The following MEGF11 variants were observed in gnomAD, a reference collection of about 807,000 sequenced individuals.
The protein encoded by MEGF11 is multiple epidermal growth factor-like domains protein 11.
MEGF11 carries 126 observed loss-of-function variants against 146.6 expected under a neutral mutation model. The observed-to-expected ratio is 0.86, with a 90% CI of 0.74 to 1.00. The LOEUF (loss-of-function observed/expected upper bound fraction) is 1.00. Ranked by LOEUF, MEGF11 falls within the 50% of genes least tolerant of loss-of-function variation. The pLI, the probability that MEGF11 is intolerant of heterozygous loss-of-function variation, is 0.00. For synonymous variants in MEGF11, 532 were observed against 583.4 expected, an observed-to-expected ratio of 0.91 and a Z score of 1.27; for missense variants, 1,509 against 1,521.2, an observed-to-expected ratio of 0.99 and a Z score of 0.13.
chr15:66,130,812 AC>A (rs931652613), intron 1 of MEGF11, among the ~76,000 whole-genome samples: 1 of 151,856 alleles, frequency 6.6e-6, no homozygotes, highest in African/African-American at 2.4e-5. Flanking sequence ...AGAAGCCATC[AC>A]CACATGGGGG....
chr15:66,046,969 T>C (rs2084231629), intron 5 of MEGF11, among the ~76,000 whole-genome samples: 1 of 152,168 alleles, frequency 6.6e-6, no homozygotes, highest in African/African-American at 2.4e-5. Context: ...ACACTGCTCT[T>C]TCAGGAAGTG....
Position 65,963,465 on chromosome 15 carries a change from T to C in MEGF11, c.1112+1443A>G, listed in dbSNP as rs138399423. On this transcript the variant is annotated intron_variant, in intron 9 of 25. Coordinates refer to ENST00000395614, the MANE Select transcript of MEGF11 (RefSeq NM_001385028.1). ...CCTCTACATTTTCACATCTCTGATA[T>C]TGGGTAATTCATATCTCTGATATTG... Among the ~76,000 whole-genome samples the C allele has an allele frequency of 2.1e-3, 316 of 151,968 alleles. 1 individual carries two copies. Among genetic ancestry groups the C allele is most frequent in the African/African-American group, 7.2e-3 (298 of 41,226 alleles).
chr15:66,189,082 G>A (rs1597142743), intron 1 of MEGF11, among the ~76,000 whole-genome samples: 1 of 152,130 alleles, frequency 6.6e-6, no homozygotes, highest in African/African-American at 2.4e-5. Context: ...GAGGAGGGAT[G>A]GGGAGAGAAG....
chr15:66,038,500 C>CA (rs1232875310), intron 5 of MEGF11, among the ~76,000 whole-genome samples: 1 of 152,088 alleles, frequency 6.6e-6, no homozygotes, highest in African/African-American at 2.4e-5. Context: ...CCTTTCACAC[C>CA]AGGGATAATA....
In MEGF11 at chr15:65,938,332, CAGG is replaced by C. The variant is rs1217603489; in HGVS notation, c.1288-7392_1288-7390del. Among the ~76,000 whole-genome samples, 12 of 152,374 alleles carry C rather than the reference CAGG, an allele frequency of 7.9e-5. 1 individual carries two copies. The East Asian group carries it at 2.3e-3, about 29-fold the overall frequency. On this transcript the variant is annotated intron_variant, in intron 10 of 25. Coordinates refer to ENST00000395614, the MANE Select transcript of MEGF11 (RefSeq NM_001385028.1). ...GATCTCCTAGCTCCCATTTGGGTCA[CAGG>C]ATGCTAACAGCCTAAATGTGGGAAT...
At chr15:65,924,451 G>C (rs1193785193) in intron 13 of MEGF11, among the ~76,000 whole-genome samples, 2 of 151,884 alleles carry the variant, frequency 1.3e-5, no homozygotes, top group Non-Finnish European at 2.9e-5. Flanking sequence ...CCATTGACAG[G>C]GGTCTCTCCC....
intron 5 of MEGF11, among the ~76,000 whole-genome samples, chr15:66,015,863 C>T (rs2140138443): frequency 6.6e-6 from 1 of 151,086 alleles, no homozygotes; most frequent in East Asian, 2.0e-4. Flanking sequence ...CTCTGCTCAT[C>T]CACTGATGAT....
At chr15:66,033,390 G>A (rs28848849) in intron 5 of MEGF11, among the ~76,000 whole-genome samples, 2,706 of 152,330 alleles carry the variant, frequency 0.018, 67 homozygotes, top group African/African-American at 0.059. Flanking sequence ...GCCAACTAGG[G>A]TCTCTGCTCC....
At chr15:66,191,630 A>G (rs557537982) in intron 1 of MEGF11, among the ~76,000 whole-genome samples, 1 of 152,300 alleles carries the variant, frequency 6.6e-6, no homozygotes, top group East Asian at 1.9e-4. Context: ...AGGGGTGACC[A>G]GTTGAGAGTA....
At chr15:65,987,578 T>A (rs2081907424) in intron 5 of MEGF11, among the ~76,000 whole-genome samples, 1 of 152,228 alleles carries the variant, frequency 6.6e-6, no homozygotes, top group Admixed American at 6.5e-5. Context: ...ACATTCACAG[T>A]GTTGCACCAA....
At chr15:65,912,271 G>T in intron 20 of MEGF11, 71 bp from the exon 21 acceptor site, 1 of 937,340 alleles carries the variant, frequency 1.1e-6, no homozygotes, top group Non-Finnish European at 1.4e-6. Context: ...CAGTACTAAT[G>T]CTTGCGCTGG....
At chr15:65,993,624 C>G (rs2141781052) in intron 5 of MEGF11, among the ~76,000 whole-genome samples, 1 of 152,314 alleles carries the variant, frequency 6.6e-6, no homozygotes, top group East Asian at 1.9e-4. Context: ...TTTGGGGTCC[C>G]TGAGCAAGTC....
At chr15:65,963,328 G>C (rs935198043) in intron 9 of MEGF11, among the ~76,000 whole-genome samples, 2 of 152,074 alleles carry the variant, frequency 1.3e-5, no homozygotes, top group Non-Finnish European at 2.9e-5. Flanking sequence ...ACCTCTTCTA[G>C]GAAGCCTTCC....
intron 1 of MEGF11, among the ~76,000 whole-genome samples, chr15:66,232,371 G>C (rs1164669592): frequency 1.3e-5 from 2 of 152,202 alleles, no homozygotes; most frequent in Non-Finnish European, 2.9e-5. Context: ...ACCGGCCCCA[G>C]TCAAGGCAGA....
At chr15:66,018,308 AG>A (rs1161710314) in intron 5 of MEGF11, among the ~76,000 whole-genome samples, 1 of 152,118 alleles carries the variant, frequency 6.6e-6, no homozygotes, top group African/African-American at 2.4e-5. Context: ...CCCATTTGGG[AG>A]AGTCCTTCCG....
chr15:65,984,615 T>G (rs1184338734), intron 5 of MEGF11, among the ~76,000 whole-genome samples: 1 of 150,956 alleles, frequency 6.6e-6, no homozygotes, highest in East Asian at 1.9e-4. Context: ...ATCCTCTCTT[T>G]GGGACACACA....
rs369176163 is a variant in MEGF11, at chr15:66,097,651, C to T, written c.302-3157G>A. On this transcript the variant is annotated intron_variant, in intron 4 of 25. Coordinates refer to ENST00000395614, the MANE Select transcript of MEGF11 (RefSeq NM_001385028.1). Reference sequence around the variant, plus strand: ...AGCCACTCACCCTCTCCTGGCCCCACCAAGAAATATGAACTGCACTCTCAC... The same window carrying T: ...AGCCACTCACCCTCTCCTGGCCCCATCAAGAAATATGAACTGCACTCTCAC... Among the ~76,000 whole-genome samples, 5 of 151,732 alleles carry T rather than the reference C, an allele frequency of 3.3e-5. No individual in the cohort carries two copies. In the East Asian group the frequency reaches 9.7e-4, roughly 29 times the overall value.
chr15:66,078,095 G>A (rs1426770000), intron 5 of MEGF11, among the ~76,000 whole-genome samples: 1 of 152,130 alleles, frequency 6.6e-6, no homozygotes, highest in Non-Finnish European at 1.5e-5. Flanking sequence ...TGGTCTCCAG[G>A]GACAGACTGC....
intron 1 of MEGF11, among the ~76,000 whole-genome samples, chr15:66,140,957 C>T (rs949686629): frequency 6.6e-6 from 1 of 152,140 alleles, no homozygotes; most frequent in African/African-American, 2.4e-5. Flanking sequence ...CTCGGTTGAA[C>T]ATTGAGTGTG....
Sources: allele counts gnomAD v4.1 joint callset (sites outside exome capture counted in the v4.1 genomes callset), GRCh38; gene constraint gnomAD v4.1.1; transcripts MANE v1.5; gene names NCBI Gene and HGNC (gene_info 2026-07-23, HGNC 2026-07-21).